Variants in GABRA1 observed in about 807,000 individuals in gnomAD.
GABRA1 encodes the protein gamma-aminobutyric acid receptor subunit alpha-1.
Under a neutral mutation model 48.9 loss-of-function variants are expected in GABRA1, and 9 were observed. The ratio of observed to expected loss-of-function variants is 0.18; its 90% confidence interval spans 0.11 to 0.32. GABRA1 has a LOEUF of 0.32. Among genes scored for constraint, GABRA1 ranks in the 10% least tolerant of loss-of-function variants. GABRA1 has a pLI of 1.00. For missense variants in GABRA1, 285 were observed against 553.8 expected (o/e 0.51, Z 4.87); for synonymous variants, 210 against 198.7 (o/e 1.06, Z -0.48).
At chr5:161,865,899 CT>C (rs2113354780) in intron 4 of GABRA1, 111 bp downstream of exon 4, 1 of 823,740 alleles carries the variant, frequency 1.2e-6, no homozygotes, top group African/African-American at 1.7e-5. Context: ...CTTGGCTATA[CT>C]TTTGTGTCTT....
chr5:161,888,182 T>C (rs1189858797), intron 7 of GABRA1, among the ~76,000 whole-genome samples: 3 of 152,174 alleles, frequency 2.0e-5, no homozygotes, highest in African/African-American at 7.2e-5. Flanking sequence ...GGAAAATAAT[T>C]TGACATGCTT....
chr5:161,853,164 C>T (rs1234645827), intron 2 of GABRA1, among the ~76,000 whole-genome samples: 1 of 151,754 alleles, frequency 6.6e-6, no homozygotes, highest in African/African-American at 2.4e-5. Flanking sequence ...TTGGAGTTGT[C>T]ATGCTAATCA....
chr5:161,888,951 C>T (rs191315526), intron 7 of GABRA1, among the ~76,000 whole-genome samples: 30 of 152,052 alleles, frequency 2.0e-4, no homozygotes, highest in African/African-American at 6.0e-4. Flanking sequence ...AGGATATGGC[C>T]GGTCATGCTA....
At chr5:161,858,187 T>G (rs1757725270) in intron 3 of GABRA1, among the ~76,000 whole-genome samples, 1 of 151,378 alleles carries the variant, frequency 6.6e-6, no homozygotes, top group Admixed American at 6.6e-5. Context: ...AAACCAAAAT[T>G]TTCCCAGGAA....
At chr5:161,882,755 G>T in intron 7 of GABRA1, 54 bp downstream of exon 7, 1 of 1,533,354 alleles carries the variant, frequency 6.5e-7, no homozygotes, top group South Asian at 1.1e-5. Context: ...ATAATATTTT[G>T]TGAGAACTCA....
At chr5:161,847,226 A>T (rs1453118513), upstream of GABRA1, 1 of 152,102 alleles carries the variant, frequency 6.6e-6, no homozygotes, top group African/African-American at 2.4e-5. Context: ...GGAAAAGTAG[A>T]TGCGGATTTC....
chr5:161,866,217 T>C (rs182672330), intron 4 of GABRA1, among the ~76,000 whole-genome samples: 215 of 152,152 alleles, frequency 1.4e-3, no homozygotes, highest in Middle Eastern at 6.8e-3. Context: ...TAAAAGGAAA[T>C]GAGTGTAAAA....
At chr5:161,878,794 C>G (rs1581203436) in intron 6 of GABRA1, among the ~76,000 whole-genome samples, 1 of 152,138 alleles carries the variant, frequency 6.6e-6, no homozygotes, top group African/African-American at 2.4e-5. Flanking sequence ...CAGATTCTGA[C>G]ATAAAGACCT....
chr5:161,875,885 T>G (rs1248188449), intron 6 of GABRA1, among the ~76,000 whole-genome samples: 2 of 152,188 alleles, frequency 1.3e-5, no homozygotes, highest in East Asian at 3.8e-4. Flanking sequence ...ATAATTCTAT[T>G]TATGCTGAAT....
At chr5:161,857,008 C>T (rs1042646912) in intron 3 of GABRA1, among the ~76,000 whole-genome samples, 3 of 150,996 alleles carry the variant, frequency 2.0e-5, no homozygotes, top group African/African-American at 7.3e-5. Flanking sequence ...ACATGCATCC[C>T]AGTAGATCCC....
At chr5:161,878,595 TTTCTTACCG>T (rs1408869491) in intron 6 of GABRA1, among the ~76,000 whole-genome samples, 1 of 152,186 alleles carries the variant, frequency 6.6e-6, no homozygotes, top group Non-Finnish European at 1.5e-5. Context: ...AGAAGCAGTC[TTTCTTACCG>T]TTCTCTATTA....
intron 2 of GABRA1, among the ~76,000 whole-genome samples, chr5:161,853,456 C>A (rs1476606362): frequency 6.6e-6 from 1 of 151,884 alleles, no homozygotes; most frequent in Non-Finnish European, 1.5e-5. Flanking sequence ...AACTGTGCTA[C>A]AGCTTAGTCA....
intron 3 of GABRA1, among the ~76,000 whole-genome samples, chr5:161,861,943 TC>T (rs1464295738): frequency 6.6e-6 from 1 of 151,896 alleles, no homozygotes; most frequent in African/African-American, 2.4e-5. Flanking sequence ...TAGACCTCCA[TC>T]ATCAGTTATG....
At chr5:161,893,731 C>A (rs1423687502) in intron 8 of GABRA1, among the ~76,000 whole-genome samples, 1 of 152,130 alleles carries the variant, frequency 6.6e-6, no homozygotes, top group Non-Finnish European at 1.5e-5. Context: ...ATGGCATTGG[C>A]AAATTTACTT....
chr5:161,865,576 A>G, intron 3 of GABRA1, 145 bp from the exon 4 acceptor site: 1 of 730,574 alleles, frequency 1.4e-6, no homozygotes, highest in Non-Finnish European at 2.5e-6. Context: ...TGTAAGCAGT[A>G]AATTATCAGG....
Position 161,897,285 on chromosome 5 carries a change from A to T in GABRA1, c.1234A>T (p.Thr412Ser), listed in dbSNP as rs1229633395. The T allele has an allele frequency of 6.2e-6, 10 of 1,613,920 alleles. No individual in the cohort carries two copies. The highest frequency in any genetic ancestry group is 1.7e-5 in the Admixed American group (1 of 59,986). The change falls in exon 10 of 10, where the codon ACC becomes TCC. Residue 412 changes from threonine (T) to serine (S), a missense_variant. Thr to Ser is a moderately conservative substitution (Grantham distance 58). Around this residue, in one of 6 missense-constraint regions of GABRA1, gnomAD observed 99 missense variants for 94.2 expected, o/e 1.05. Transcript: ENST00000393943. ...AACAAAACCACCAGAACCCAAGAAA[A>T]CCTTTAACAGTGTCAGCAAAATTGA... ...PETKPPEPKK[T>S]FNSVSKIDRL...
At chr5:161,861,381 C>G (rs919687586) in intron 3 of GABRA1, among the ~76,000 whole-genome samples, 6 of 151,740 alleles carry the variant, frequency 4.0e-5, no homozygotes, top group Non-Finnish European at 7.4e-5. Flanking sequence ...ACATTTTTTT[C>G]TAAAGATTAG....
In GABRA1 at chr5:161,897,653, T is replaced by C. The variant is rs1321712401; in HGVS notation, c.*231T>C. Reference sequence around the variant, plus strand: ...GAGCAAGCGAAAGAGCAAAGTCATGTCAGAAGGAGACAGAATGAGAGAGAA... The same window carrying C: ...GAGCAAGCGAAAGAGCAAAGTCATGCCAGAAGGAGACAGAATGAGAGAGAA... On this transcript the variant is annotated 3_prime_UTR_variant, in exon 10 of 10. Transcript: ENST00000393943. 2 of 529,154 alleles carry C rather than the reference T, an allele frequency of 3.8e-6. No homozygotes were observed. Among genetic ancestry groups the C allele is most frequent in the Non-Finnish European group, 6.7e-6 (2 of 300,120 alleles). 32.8% of individuals were successfully genotyped at this position (529,154 alleles called of 1,614,324 possible). A position where few individuals can be genotyped will look rare whatever the true frequency, so the allele number is the denominator to read the frequency against.
At chr5:161,860,733 A>C (rs1287286059) in intron 3 of GABRA1, among the ~76,000 whole-genome samples, 2 of 151,848 alleles carry the variant, frequency 1.3e-5, no homozygotes, top group African/African-American at 4.8e-5. Flanking sequence ...CTTGTATCAA[A>C]ACATCTCATG....
Sources: gnomAD v4.1 joint callset for allele counts (sites outside exome capture counted in the v4.1 genomes callset) on GRCh38, gnomAD v4.1.1 for gene constraint, gnomAD v4.1.1 regional missense constraint, MANE v1.5 for transcripts, NCBI Gene and HGNC (gene_info 2026-07-23, HGNC 2026-07-21) for gene names.